The following DET1 variants were observed in gnomAD, a reference collection of about 807,000 sequenced individuals.
DET1 encodes DET1 partner of COP1 E3 ubiquitin ligase.
A neutral mutation model predicts 43.7 loss-of-function variants in DET1; 22 were observed. The ratio of observed to expected loss-of-function variants is 0.50; its 90% CI spans 0.36 to 0.72. The LOEUF is 0.72. DET1 is among the 30% of genes least tolerant of loss of function. The pLI, the probability that DET1 is intolerant of heterozygous loss-of-function variation, is 0.00. For synonymous variants in DET1, 315 were observed against 266.2 expected, an observed-to-expected ratio of 1.18 and a Z score of -1.79; for missense variants, 713 against 713.3, an observed-to-expected ratio of 1.00 and a Z score of 0.00.
chr15:88,536,215 A>T (rs1856956432), intron 1 of DET1: 4 of 683,462 alleles, frequency 5.9e-6, no homozygotes, highest in Non-Finnish European at 1.1e-5. Context: ...CCTCCTCAGA[A>T]ATCTTCCCCA....
chr15:88,515,129 A>C (rs1598315769), intron 4 of DET1, among the ~76,000 whole-genome samples: 1 of 152,242 alleles, frequency 6.6e-6, no homozygotes, highest in East Asian at 1.9e-4. Context: ...AGTAAATACT[A>C]TCCCAGGGAT....
intron 3 of DET1, among the ~76,000 whole-genome samples, chr15:88,519,152 G>T (rs1036901774): frequency 6.6e-6 from 1 of 152,102 alleles, no homozygotes; most frequent in African/African-American, 2.4e-5. Context: ...ACAAATCAAA[G>T]CATCTGTGAT....
chr15:88,510,713 G>A (rs149906641), downstream of DET1, among the ~76,000 whole-genome samples: 225 of 151,470 alleles, frequency 1.5e-3, 1 homozygote, highest in Non-Finnish European at 4.9e-4. Context: ...TAACTCCCTC[G>A]TAAGTTGAGA....
rs767903365 is a variant in DET1, at chr15:88,530,836, A to C, written c.870T>G (p.Pro290=). 1.2e-6 allele frequency: 2 copies of C among 1,613,932 alleles called. No homozygotes were observed. The highest frequency in any genetic ancestry group is 1.7e-6 in the Non-Finnish European group (2 of 1,179,840). ...ACCGGTGTTTGAGGGAATTGATGAA[A>C]GGATCCCTAAAGGGATTGGCCATGC... ...QTGMANPFRD[P]FINSLKHRLL... is the part of the protein sequence containing the mutation. Residue 290 remains proline (P), a synonymous_variant, in exon 2 of 5, where the codon CCT becomes CCG. Transcript: ENST00000268148.
At chr15:88,544,958 C>A (rs191020861) in intron 1 of DET1, among the ~76,000 whole-genome samples, 2 of 152,166 alleles carry the variant, frequency 1.3e-5, no homozygotes, top group East Asian at 3.9e-4. Context: ...GCTCTGGGAG[C>A]CAAACTGGAT....
intron 3 of DET1, 142 bp from the exon 4 acceptor site, chr15:88,517,115 G>T: frequency 1.6e-6 from 1 of 615,572 alleles, no homozygotes; most frequent in South Asian, 2.5e-5. Context: ...AGATAGAACT[G>T]TCTCTCACAC....
At chr15:88,540,524 A>G (rs1312502292) in intron 1 of DET1, among the ~76,000 whole-genome samples, 1 of 151,950 alleles carries the variant, frequency 6.6e-6, no homozygotes, top group Admixed American at 6.6e-5. Flanking sequence ...AGCCCCCTCC[A>G]ATGTATGCTG....
At chr15:88,507,606 T>C (rs1263438094), downstream of DET1, among the ~76,000 whole-genome samples, 1 of 152,240 alleles carries the variant, frequency 6.6e-6, no homozygotes, top group Non-Finnish European at 1.5e-5. Flanking sequence ...TGGAATGTCA[T>C]GTGTCTTAAT....
chr15:88,521,346 C>T (rs1257887548), intron 3 of DET1, among the ~76,000 whole-genome samples: 1 of 152,246 alleles, frequency 6.6e-6, no homozygotes, highest in East Asian at 1.9e-4. Flanking sequence ...GGAAAACTGG[C>T]AATCTCTTCT....
Position 88,530,877 on chromosome 15 carries a change from G to T in DET1, c.829C>A (p.Arg277=). Residue 277 remains arginine, a synonymous_variant, in exon 2 of 5, where the codon CGG becomes AGG. Transcript: ENST00000268148. ...TTGGCCATGCCTGTCTGACTGTCCC[G>T]CTGTACCTCAGGGAAAACAGCTGAC... ...TVSAVFPEVQ[R]DSQTGMANPF... is the part of the protein sequence containing the mutation. 6.2e-7 allele frequency: 1 copy of T among 1,613,976 alleles called. No individual in the cohort carries two copies. The highest frequency in any genetic ancestry group is 8.5e-7 in the Non-Finnish European group (1 of 1,179,890).
chr15:88,536,060 C>T (rs771193664), intron 1 of DET1, among the ~76,000 whole-genome samples: 38 of 152,174 alleles, frequency 2.5e-4, no homozygotes, highest in South Asian at 1.2e-3. Flanking sequence ...ATAGAAACCA[C>T]GTATCACCTA....
intron 3 of DET1, among the ~76,000 whole-genome samples, chr15:88,526,232 T>C (rs966326892): frequency 6.6e-6 from 1 of 152,238 alleles, no homozygotes; most frequent in African/African-American, 2.4e-5. Flanking sequence ...AAGAGATATG[T>C]TTTTCCCAGT....
chr15:88,516,838 A>C lies in DET1; in HGVS notation c.1407T>G (p.Asp469Glu). 1.2e-6 allele frequency: 2 copies of C among 1,609,920 alleles called. No homozygotes were observed. Among genetic ancestry groups the C allele is most frequent in the Non-Finnish European group, 1.7e-6 (2 of 1,178,320 alleles). ...GCTCCATGACAGATACCCACTTGTC[A>C]TCATAACTGAAGAGAGACAAATCCA... Reference protein sequence around the residue: ...PYLDLSLFSYDDKWVSVMERP... With the variant: ...PYLDLSLFSYEDKWVSVMERP... The change falls in exon 4 of 5, where the codon GAT (aspartate) becomes GAG (glutamate). Residue 469 changes from aspartate to glutamate, a missense_variant. Transcript: ENST00000268148. The surrounding 1 kb of genome is among the most constrained non-coding windows in gnomAD (Gnocchi z 4.4).
intron 8 of DET1, chr15:88,502,196 G>A (rs1030685197): frequency 6.6e-6 from 1 of 152,122 alleles, no homozygotes; most frequent in African/African-American, 2.4e-5. Flanking sequence ...AACTTTTAAA[G>A]ACTAGGGCAA....
chr15:88,522,654 G>T (rs11852573), intron 3 of DET1, among the ~76,000 whole-genome samples: 5,595 of 150,916 alleles, frequency 0.037, 344 homozygotes, highest in African/African-American at 0.13. Context: ...GACTACAGGC[G>T]CCCGCCATCA....
chr15:88,518,249 T>C (rs2056399767), intron 3 of DET1, among the ~76,000 whole-genome samples: 1 of 151,946 alleles, frequency 6.6e-6, no homozygotes, highest in East Asian at 1.9e-4. Context: ...GCCACAAAAC[T>C]AAATTTAATA....
Position 88,513,102 on chromosome 15 carries a change from A to C in DET1, c.1502T>G (p.Ile501Ser). Residue 501 changes from isoleucine to serine, a missense_variant, in exon 5 of 5, where the codon ATC becomes AGC. Coordinates refer to ENST00000268148, the MANE Select transcript of DET1 (RefSeq NM_001144074.3). ...ARDSGLLKFE[I>S]QAGLLGRPIN... ...GGGGCGGCCCAATAACCCCGCCTGG[A>C]TCTCAAACTTGAGCAGGCCCGAGTC... is the stretch of plus-strand genomic sequence containing the variant. 6.2e-7 allele frequency: 1 copy of C among 1,613,810 alleles called. No individual in the cohort carries two copies. The highest frequency in any genetic ancestry group is 1.1e-5 in the South Asian group (1 of 91,034).
chr15:88,510,759 G>GTT (rs796792971), downstream of DET1, among the ~76,000 whole-genome samples: 4 of 135,592 alleles, frequency 3.0e-5, no homozygotes, highest in Admixed American at 1.5e-4. Flanking sequence ...TTGTTGTTTT[G>GTT]TTTTTTTTTT....
intron 1 of DET1, among the ~76,000 whole-genome samples, chr15:88,539,372 C>A (rs1458520340): frequency 4.7e-5 from 7 of 150,324 alleles, no homozygotes; most frequent in Admixed American, 1.3e-4. Flanking sequence ...CTAAGAGGAG[C>A]CCAAGTCCCC....
Sources: gnomAD v4.1 joint callset for allele counts (sites outside exome capture counted in the v4.1 genomes callset) on GRCh38, gnomAD v4.1.1 for gene constraint, Gnocchi (gnomAD v3.1) non-coding constraint, MANE v1.5 for transcripts, NCBI Gene and HGNC (gene_info 2026-07-23, HGNC 2026-07-21) for gene names.